The following STK3 variants were observed in gnomAD, a reference collection of about 807,000 sequenced individuals.
STK3 encodes the protein serine/threonine-protein kinase 3.
STK3 carries 41 observed loss-of-function variants against 58.0 expected under a neutral mutation model. The ratio of observed to expected loss-of-function variants is 0.71; its 90% CI spans 0.55 to 0.92. STK3 has a LOEUF of 0.92. Ranked by LOEUF, STK3 falls within the 40% of genes least tolerant of loss-of-function variation. The pLI, the probability that STK3 is intolerant of heterozygous loss-of-function variation, is 0.00. For missense variants in STK3, 479 were observed against 602.7 expected, an observed-to-expected ratio of 0.79 and a Z score of 2.15; for synonymous variants, 170 against 191.0, an observed-to-expected ratio of 0.89 and a Z score of 0.91.
chr8:98,477,308 T>G (rs1821401923), intron 10 of STK3, among the ~76,000 whole-genome samples: 2 of 152,088 alleles, frequency 1.3e-5, no homozygotes, highest in Admixed American at 1.3e-4. Flanking sequence ...AGAAATAAAT[T>G]TCTATGTTTT....
intron 1 of STK3, among the ~76,000 whole-genome samples, chr8:98,904,085 A>G (rs530197022): frequency 7.9e-5 from 12 of 152,350 alleles, no homozygotes; most frequent in African/African-American, 2.4e-4. Context: ...AATTTCAGCT[A>G]ATGCTGTACC....
chr8:98,515,491 T>A (rs1307506608), intron 10 of STK3, among the ~76,000 whole-genome samples: 1 of 152,142 alleles, frequency 6.6e-6, no homozygotes, highest in Middle Eastern at 3.2e-3. Flanking sequence ...TTTATTCGAA[T>A]GGGCTTCAGT....
At chr8:98,534,282 A>AT (rs1809582588) in intron 9 of STK3, among the ~76,000 whole-genome samples, 1 of 152,194 alleles carries the variant, frequency 6.6e-6, no homozygotes, top group Non-Finnish European at 1.5e-5. Flanking sequence ...ACCCACTGTA[A>AT]AGATATTGAG....
intron 6 of STK3, among the ~76,000 whole-genome samples, chr8:98,639,729 T>A (rs1044466411): frequency 3.3e-5 from 5 of 152,220 alleles, no homozygotes; most frequent in African/African-American, 1.2e-4. Context: ...TTTCATATCT[T>A]TTTAAGTGTT....
the STK3 span, among the ~76,000 whole-genome samples, chr8:98,355,423 A>G: frequency 6.6e-6 from 1 of 152,188 alleles, no homozygotes; most frequent in South Asian, 2.1e-4. Context: ...ACATTTCTAA[A>G]TTTCTGAGAG....
intron 10 of STK3, among the ~76,000 whole-genome samples, chr8:98,488,737 G>C (rs1241028655): frequency 2.0e-5 from 3 of 152,160 alleles, no homozygotes; most frequent in Non-Finnish European, 4.4e-5. Context: ...GCAAAACTAA[G>C]ATGAAAATGC....
intron 4 of STK3, among the ~76,000 whole-genome samples, chr8:98,728,378 G>T (rs1261396585): frequency 6.6e-6 from 1 of 152,172 alleles, no homozygotes; most frequent in Non-Finnish European, 1.5e-5. Context: ...GGCAGAGAGA[G>T]GTTGTCTTTC....
intron 6 of STK3, among the ~76,000 whole-genome samples, chr8:98,675,424 T>A (rs1160369057): frequency 6.6e-6 from 1 of 152,212 alleles, no homozygotes; most frequent in African/African-American, 2.4e-5. Flanking sequence ...ATATTATGCA[T>A]TTTATATGCC....
intron 3 of STK3, among the ~76,000 whole-genome samples, chr8:98,863,184 T>C (rs533488985): frequency 6.6e-6 from 1 of 152,290 alleles, no homozygotes; most frequent in South Asian, 2.1e-4. Flanking sequence ...CAAGATAATA[T>C]GAAGTATGAT....
Position 98,939,172 on chromosome 8 carries a change from C to T in STK3, c.-79+3206G>A, listed in dbSNP as rs185465420. On this transcript the variant is annotated intron_variant, in intron 1 of 1. Coordinates refer to the STK3 transcript ENST00000519420. ...ATGAATAAGCTGCCTAAAGCAGATG[C>T]GTTTATGCGTGCATTCTCTCGAGTG... Among the ~76,000 whole-genome samples the T allele has an allele frequency of 6.5e-3, 996 of 152,218 alleles. 9 individuals are homozygous for T. The highest frequency in any genetic ancestry group is 0.022 in the African/African-American group (931 of 41,510).
chr8:98,907,556 C>T (rs1303952232), intron 1 of STK3, among the ~76,000 whole-genome samples: 8 of 152,156 alleles, frequency 5.3e-5, no homozygotes, highest in Non-Finnish European at 1.0e-4. Flanking sequence ...CAACTATCAA[C>T]TCATGGCCAA....
intron 1 of STK3, among the ~76,000 whole-genome samples, chr8:98,777,514 A>C (rs909049130): frequency 1.3e-5 from 2 of 152,210 alleles, no homozygotes; most frequent in African/African-American, 4.8e-5. Flanking sequence ...TATCTCAAAA[A>C]AAGAAAAAAG....
chr8:98,872,998 A>G (rs1305122278), intron 3 of STK3, among the ~76,000 whole-genome samples: 5 of 152,154 alleles, frequency 3.3e-5, no homozygotes, highest in Admixed American at 3.3e-4. Context: ...TTCCCTCTAC[A>G]CACTGCTTTA....
At chr8:98,934,785 A>G (rs1300632129) in intron 1 of STK3, among the ~76,000 whole-genome samples, 1 of 152,106 alleles carries the variant, frequency 6.6e-6, no homozygotes, top group Non-Finnish European at 1.5e-5. Context: ...GTGTGGTGGC[A>G]TGCTCCTGTA....
At chr8:98,715,552 C>A (rs1371871604) in intron 4 of STK3, among the ~76,000 whole-genome samples, 7 of 152,186 alleles carry the variant, frequency 4.6e-5, no homozygotes, top group Non-Finnish European at 1.5e-5. Context: ...CACTGACCAT[C>A]AGAGAAATGC....
chr8:98,791,056 T>C (rs1832774245), intron 1 of STK3, among the ~76,000 whole-genome samples: 1 of 151,620 alleles, frequency 6.6e-6, no homozygotes, highest in Non-Finnish European at 1.5e-5. Context: ...GATATGATTG[T>C]TTACCTAGAA....
intron 3 of STK3, among the ~76,000 whole-genome samples, chr8:98,422,635 G>C (rs561480230): frequency 6.6e-6 from 1 of 152,320 alleles, no homozygotes; most frequent in South Asian, 2.1e-4. Context: ...GTCTGGCATG[G>C]AGGGAGGCGA....
rs1268393070 is a variant in STK3, at chr8:98,780,679, G to T, written c.27-5860C>A. Among the ~76,000 whole-genome samples the T allele has an allele frequency of 2.0e-5, 3 of 151,926 alleles. No individual in the cohort carries two copies. In the East Asian group the frequency reaches 5.8e-4, roughly 29 times the overall value. ...CACAGGGGAAAAAAAAAACAGTCTG[G>T]AGGGGAACAAGATGGGCTCAATTCT... On this transcript the variant is annotated intron_variant, in intron 1 of 10. Coordinates refer to ENST00000419617, the MANE Select transcript of STK3 (RefSeq NM_006281.4).
chr8:98,645,852 C>T lies in STK3; in HGVS notation c.685-49683G>A, dbSNP rs572816782. Among the ~76,000 whole-genome samples, 8 of 151,860 alleles carry T rather than the reference C, an allele frequency of 5.3e-5. No homozygotes were observed. The East Asian group carries it at 7.8e-4, about 15-fold the overall frequency. ...TAGATATAGATACAGATATAGATAT[C>T]GAGTAGAGACAGGGTTTTGCCATGT... On this transcript the variant is annotated intron_variant, in intron 6 of 10. Coordinates refer to ENST00000419617, the MANE Select transcript of STK3 (RefSeq NM_006281.4).
Sources: gnomAD v4.1 joint callset for allele counts (sites outside exome capture counted in the v4.1 genomes callset) on GRCh38, gnomAD v4.1.1 for gene constraint, MANE v1.5 for transcripts, NCBI Gene and HGNC (gene_info 2026-07-23, HGNC 2026-07-21) for gene names.